Variants in PCDHA5 observed in about 807,000 individuals in gnomAD.
The protein encoded by PCDHA5 is protocadherin alpha-5.
In PCDHA5, 43 loss-of-function variants were observed where a neutral mutation model predicts 61.6. The observed-to-expected ratio is 0.70, with a 90% CI of 0.55 to 0.90. PCDHA5 has a LOEUF of 0.90. PCDHA5 is among the 40% of genes least tolerant of loss of function. The pLI is 0.00. For missense variants in PCDHA5, 1,298 were observed against 1,222.7 expected (o/e 1.06, Z -0.92); for synonymous variants, 627 against 543.9 (o/e 1.15, Z -2.13).
intron 1 of PCDHA5, among the ~76,000 whole-genome samples, chr5:140,938,922 T>G (rs2092267013): frequency 6.6e-6 from 1 of 151,926 alleles, no homozygotes; most frequent in Non-Finnish European, 1.5e-5. Flanking sequence ...CACAAGAAAT[T>G]GGCTTTTAAC....
At chr5:140,876,478 G>T in intron 1 of PCDHA5, 1 of 1,614,032 alleles carries the variant, frequency 6.2e-7, no homozygotes, top group Non-Finnish European at 8.5e-7. Flanking sequence ...TCACAGCATG[G>T]TCCTGGTGGA....
intron 1 of PCDHA5, among the ~76,000 whole-genome samples, chr5:140,963,916 T>A (rs186370400): frequency 2.0e-5 from 3 of 152,356 alleles, no homozygotes; most frequent in East Asian, 3.9e-4. Flanking sequence ...AAGCTTAGGC[T>A]AAGTAACATG....
At chr5:140,902,914 G>A (rs560076660) in intron 1 of PCDHA5, among the ~76,000 whole-genome samples, 14 of 152,306 alleles carry the variant, frequency 9.2e-5, no homozygotes, top group African/African-American at 2.9e-4. Context: ...TGGCTGAGTA[G>A]TATTGCATGG....
At chr5:140,996,836 C>T (rs1247616398) in intron 3 of PCDHA5, among the ~76,000 whole-genome samples, 43 of 152,096 alleles carry the variant, frequency 2.8e-4, no homozygotes, top group African/African-American at 1.0e-3. Flanking sequence ...AATAATTTAG[C>T]GTGCATCTTC....
chr5:140,877,217 C>A (rs571871387), intron 1 of PCDHA5: 2 of 1,613,742 alleles, frequency 1.2e-6, no homozygotes, highest in African/African-American at 1.3e-5. Flanking sequence ...GAGTTGGTAC[C>A]GCGGTCGGTG....
intron 1 of PCDHA5, chr5:140,850,309 C>G (rs781788388): frequency 6.3e-7 from 1 of 1,596,972 alleles, no homozygotes; most frequent in East Asian, 2.2e-5. Flanking sequence ...GGCTACAACG[C>G]GTGGCTTTCA....
In PCDHA5 at chr5:140,982,309, G is replaced by A. The variant is rs1459964622; in HGVS notation, c.2412-166G>A. On this transcript the variant is annotated intron_variant, in intron 2 of 3. Coordinates refer to ENST00000529859, the MANE Select transcript of PCDHA5 (RefSeq NM_018908.3). Reference sequence around the variant, plus strand: ...TAAGTAAGTCAGCAATGCTTCTGCAGTTTATGCAGGGTGACTGCTCAGCAG... The same window carrying A: ...TAAGTAAGTCAGCAATGCTTCTGCAATTTATGCAGGGTGACTGCTCAGCAG... 5.4e-6 allele frequency: 7 copies of A among 1,306,624 alleles called. No homozygotes were observed. The Admixed American group carries it at 1.8e-4, about 34-fold the overall frequency. The allele number at this position is 1,306,624 out of a possible 1,614,324, so 80.9% of individuals were successfully genotyped here. A position where few individuals can be genotyped will look rare whatever the true frequency, so the allele number is the denominator to read the frequency against.
Position 140,849,622 on chromosome 5 carries a change from A to G in PCDHA5, c.2352+25495A>G. The G allele has an allele frequency of 1.9e-6, 3 of 1,598,702 alleles. 1 individual carries two copies. The highest frequency in any genetic ancestry group is 2.6e-6 in the Non-Finnish European group (3 of 1,167,960). On this transcript the variant is annotated intron_variant, in intron 1 of 3. Coordinates refer to ENST00000529859, the MANE Select transcript of PCDHA5 (RefSeq NM_018908.3). Reference sequence around the variant, plus strand: ...GTTATTGCCCTGATTAGTGTGATCGACCTAGACGCAGATGCCAACGGGCAG... The same window carrying G: ...GTTATTGCCCTGATTAGTGTGATCGGCCTAGACGCAGATGCCAACGGGCAG...
chr5:140,951,551 A>C (rs246040), intron 1 of PCDHA5, among the ~76,000 whole-genome samples: 2 of 151,590 alleles, frequency 1.3e-5, no homozygotes, highest in African/African-American at 4.8e-5. Flanking sequence ...GACGGGGGGA[A>C]GTGCTACGCA....
At chr5:140,998,939 A>C (rs1299425979) in intron 3 of PCDHA5, among the ~76,000 whole-genome samples, 2 of 152,248 alleles carry the variant, frequency 1.3e-5, no homozygotes, top group Admixed American at 1.3e-4. Flanking sequence ...CAGATGAAGA[A>C]ACTGTAAGTC....
chr5:140,849,451 C>T lies in PCDHA5; in HGVS notation c.2352+25324C>T, dbSNP rs2150437889. 5.7e-6 allele frequency: 9 copies of T among 1,586,410 alleles called. 1 individual carries two copies. Among genetic ancestry groups the T allele is most frequent in the Non-Finnish European group, 7.8e-6 (9 of 1,160,978 alleles). ...GAAGAAAGTAGAGCACACAAGATCCCAGTCGAGGCTGTCGATAAAGGCTTC... is the reference window on the plus strand; with the variant it reads ...GAAGAAAGTAGAGCACACAAGATCCTAGTCGAGGCTGTCGATAAAGGCTTC... On this transcript the variant is annotated intron_variant, in intron 1 of 3. Coordinates refer to ENST00000529859, the MANE Select transcript of PCDHA5 (RefSeq NM_018908.3).
chr5:140,965,435 T>C (rs1327952223), intron 1 of PCDHA5, among the ~76,000 whole-genome samples: 1 of 151,992 alleles, frequency 6.6e-6, no homozygotes, highest in Non-Finnish European at 1.5e-5. Context: ...CTGCAGTCAT[T>C]GAAATTGCTG....
chr5:140,945,962 G>A (rs1049789327), intron 1 of PCDHA5, among the ~76,000 whole-genome samples: 1 of 152,002 alleles, frequency 6.6e-6, no homozygotes, highest in Non-Finnish European at 1.5e-5. Context: ...GAAAGCACAG[G>A]CAATAAAAGC....
Position 140,849,815 on chromosome 5 carries a change from G to A in PCDHA5, c.2352+25688G>A, listed in dbSNP as rs2150451415. On this transcript the variant is annotated intron_variant, in intron 1 of 3. Transcript: ENST00000529859. ...CGCCTTCACTGTGGGCCACGGCCAGGGTGTCTGTGGAGGTGGCCGACGTGA... is the reference window on the plus strand; with the variant it reads ...CGCCTTCACTGTGGGCCACGGCCAGAGTGTCTGTGGAGGTGGCCGACGTGA... 1.8e-4 allele frequency: 280 copies of A among 1,598,402 alleles called. 16 individuals carry two copies. In the South Asian group the frequency reaches 3.0e-3, roughly 17 times the overall value.
At chr5:140,842,829 C>A (rs2150345601) in intron 1 of PCDHA5, 3 of 1,593,748 alleles carry the variant, frequency 1.9e-6, no homozygotes, top group Admixed American at 3.4e-5. Flanking sequence ...GGCGAGCGCT[C>A]GCTGTCGAGC....
chr5:140,823,697 C>A lies in PCDHA5; in HGVS notation c.1922C>A (p.Ala641Glu). Residue 641 changes from alanine (A) to glutamate (E), a missense_variant, in exon 1 of 4, where the codon GCA (alanine) becomes GAA (glutamate). Ala to Glu is a moderately radical substitution (Grantham distance 107). Coordinates refer to ENST00000529859, the MANE Select transcript of PCDHA5 (RefSeq NM_018908.3). Reference protein sequence around the residue: ...STTRSLDETEAPRHRLLVLVK... With the variant: ...STTRSLDETEEPRHRLLVLVK... The stretch of plus-strand genomic sequence containing the variant: ...ACACGCTCTCTGGATGAGACCGAAG[C>A]ACCGCGCCACCGCCTTCTGGTGCTG... 1 of 1,613,956 alleles carries A rather than the reference C, an allele frequency of 6.2e-7. No individual in the cohort carries two copies. Among genetic ancestry groups the A allele is most frequent in the Non-Finnish European group, 8.5e-7 (1 of 1,179,938 alleles).
rs1554263795 is a variant in PCDHA5 at position 141,012,061 on chromosome 5, C to T, written c.*2124C>T. 1 of 153,730 alleles carries T rather than the reference C, an allele frequency of 6.5e-6. No homozygotes were observed. The highest frequency in any genetic ancestry group is 1.9e-4 in the East Asian group (1 of 5,194). The allele number at this position is 153,730 out of a possible 1,614,324, so 9.5% of individuals were successfully genotyped here. A position where few individuals can be genotyped will look rare whatever the true frequency, so the allele number is the denominator to read the frequency against. The stretch of plus-strand genomic sequence containing the variant: ...CATGGGGTAAAACTTGTTACCAACA[C>T]ATGTGAACCATTGCTACATTGTAGG... On this transcript the variant is annotated 3_prime_UTR_variant, in exon 4 of 4. Coordinates refer to ENST00000529859, the MANE Select transcript of PCDHA5 (RefSeq NM_018908.3).
chr5:140,929,517 A>G, intron 1 of PCDHA5: 1 of 761,634 alleles, frequency 1.3e-6, no homozygotes, highest in Non-Finnish European at 1.9e-6. Context: ...CAAGGGACTT[A>G]TAGTTTATTT....
At chr5:140,836,843 A>G (rs1774773753) in intron 1 of PCDHA5, 2 of 826,772 alleles carry the variant, frequency 2.4e-6, no homozygotes, top group Admixed American at 6.3e-5. Context: ...AGCTTTATGT[A>G]TAATTATTAT....
Sources: allele counts gnomAD v4.1 joint callset (sites outside exome capture counted in the v4.1 genomes callset), GRCh38; gene constraint gnomAD v4.1.1; transcripts MANE v1.5; gene names NCBI Gene and HGNC (gene_info 2026-07-23, HGNC 2026-07-21).